Variants in MAPK10 observed in about 807,000 individuals in gnomAD.
MAPK10 encodes the protein mitogen-activated protein kinase 10.
Under a neutral mutation model 59.3 loss-of-function variants are expected in MAPK10, and 25 were observed. The ratio of observed to expected loss-of-function variants is 0.42; its 90% CI spans 0.31 to 0.59. The LOEUF (loss-of-function observed/expected upper bound fraction) is 0.59, where lower values mean the gene tolerates loss of function less well. Among genes scored for constraint, MAPK10 ranks in the 20% least tolerant of loss-of-function variants. The pLI is 0.15. For synonymous variants in MAPK10, 190 were observed against 200.5 expected, an observed-to-expected ratio of 0.95 and a Z score of 0.44; for missense variants, 351 against 568.9, an observed-to-expected ratio of 0.62 and a Z score of 3.90.
At chr4:86,462,561 A>G (rs1751841360) in intron 1 of MAPK10, among the ~76,000 whole-genome samples, 1 of 152,228 alleles carries the variant, frequency 6.6e-6, no homozygotes, top group South Asian at 2.1e-4. Context: ...ACTTCTCTAC[A>G]GCACCAGCCG....
intron 9 of MAPK10, among the ~76,000 whole-genome samples, chr4:86,079,151 G>A (rs2050127220): frequency 6.6e-6 from 1 of 152,126 alleles, no homozygotes. Flanking sequence ...TTATAAATGA[G>A]CATAGGAAGA....
intron 2 of MAPK10, among the ~76,000 whole-genome samples, chr4:86,311,682 T>G (rs1307519135): frequency 6.6e-6 from 1 of 152,104 alleles, no homozygotes; most frequent in Non-Finnish European, 1.5e-5. Context: ...CATTTGGTTA[T>G]GTCAAAGGCA....
intron 2 of MAPK10, among the ~76,000 whole-genome samples, chr4:86,256,247 A>G (rs1370620228): frequency 6.6e-6 from 1 of 152,226 alleles, no homozygotes; most frequent in Non-Finnish European, 1.5e-5. Flanking sequence ...ATCCCAGTGC[A>G]TGATGAATGT....
At chr4:86,368,271 T>C (rs1027285877) in intron 1 of MAPK10, among the ~76,000 whole-genome samples, 16 of 152,190 alleles carry the variant, frequency 1.1e-4, no homozygotes, top group Non-Finnish European at 1.9e-4. Context: ...AGAATTCCCA[T>C]ATACCCTACT....
chr4:86,302,488 C>T (rs1235617158), intron 2 of MAPK10, among the ~76,000 whole-genome samples: 1 of 152,202 alleles, frequency 6.6e-6, no homozygotes, highest in East Asian at 1.9e-4. Flanking sequence ...TCTGGACTGA[C>T]AGAAACTGGC....
chr4:86,066,403 A>C (rs1368144214), intron 10 of MAPK10, among the ~76,000 whole-genome samples: 1 of 152,134 alleles, frequency 6.6e-6, no homozygotes, highest in African/African-American at 2.4e-5. Flanking sequence ...CTGATTTTAC[A>C]TCCAAATTCA....
intron 2 of MAPK10, among the ~76,000 whole-genome samples, chr4:86,282,847 G>T (rs1464536914): frequency 2.0e-5 from 3 of 152,142 alleles, no homozygotes; most frequent in East Asian, 3.9e-4. Flanking sequence ...TGGAATCAAA[G>T]TCTAGGCACA....
intron 2 of MAPK10, among the ~76,000 whole-genome samples, chr4:86,247,468 G>A (rs1391373840): frequency 6.6e-6 from 1 of 152,042 alleles, no homozygotes; most frequent in Non-Finnish European, 1.5e-5. Flanking sequence ...TTCATTAATT[G>A]GACAAAGATT....
intron 1 of MAPK10, among the ~76,000 whole-genome samples, chr4:86,396,137 G>A (rs1422303836): frequency 1.3e-5 from 2 of 152,322 alleles, no homozygotes; most frequent in African/African-American, 4.8e-5. Flanking sequence ...CCTGAGGCCA[G>A]GAGATCGAGA....
chr4:86,234,369 T>G (rs943753296), intron 2 of MAPK10, among the ~76,000 whole-genome samples: 2 of 152,150 alleles, frequency 1.3e-5, no homozygotes, highest in African/African-American at 4.8e-5. Flanking sequence ...TAGATTATTT[T>G]CAAAATTCTG....
At chr4:86,455,177 C>T (rs944286000), upstream of MAPK10, among the ~76,000 whole-genome samples, 3 of 152,020 alleles carry the variant, frequency 2.0e-5, no homozygotes, top group Non-Finnish European at 2.9e-5. Context: ...AAAATAGAAC[C>T]TCTTTAATGC....
At chr4:86,144,856 G>T (rs898260760) in intron 4 of MAPK10, among the ~76,000 whole-genome samples, 1 of 152,010 alleles carries the variant, frequency 6.6e-6, no homozygotes, top group African/African-American at 2.4e-5. Flanking sequence ...AAAAATAAAG[G>T]AATACAAATG....
chr4:86,367,546 A>G (rs1220654110), intron 1 of MAPK10, among the ~76,000 whole-genome samples: 1 of 152,200 alleles, frequency 6.6e-6, no homozygotes, highest in Non-Finnish European at 1.5e-5. Flanking sequence ...AAGGCCAAGG[A>G]AGCTGAGAGG....
intron 11 of MAPK10, among the ~76,000 whole-genome samples, chr4:86,035,896 A>G (rs1005021262): frequency 2.0e-5 from 3 of 152,194 alleles, no homozygotes; most frequent in Non-Finnish European, 2.9e-5. Context: ...TATAGATTTG[A>G]GACTAACAGC....
chr4:86,473,302 G>C (rs766579774), intron 1 of MAPK10, among the ~76,000 whole-genome samples: 1 of 152,086 alleles, frequency 6.6e-6, no homozygotes, highest in African/African-American at 2.4e-5. Flanking sequence ...ATCACATATC[G>C]ACCTTAGGGA....
At position 86,354,623 on chromosome 4, in the gene MAPK10, T is replaced by A; in HGVS notation, c.-100A>T. 1.6e-6 allele frequency: 2 copies of A among 1,229,350 alleles called. No individual in the cohort carries two copies. Among genetic ancestry groups the A allele is most frequent in the Non-Finnish European group, 2.0e-6 (2 of 985,564 alleles). The allele number at this position is 1,229,350 out of a possible 1,614,324, so 76.2% of individuals were successfully genotyped here. ...TAGTGAAGATCTGAGATGGGCCTGCTGTTGGTGTTTCTCACACTAGCCTGA... is the reference window on the plus strand; with the variant it reads ...TAGTGAAGATCTGAGATGGGCCTGCAGTTGGTGTTTCTCACACTAGCCTGA... On this transcript the variant is annotated 5_prime_UTR_variant, in exon 2 of 14. Coordinates refer to ENST00000641462, the MANE Select transcript of MAPK10 (RefSeq NM_138982.4).
At chr4:86,055,781 T>C (rs1036146163) in intron 11 of MAPK10, among the ~76,000 whole-genome samples, 11 of 149,912 alleles carry the variant, frequency 7.3e-5, no homozygotes, top group African/African-American at 2.7e-4. Flanking sequence ...CCAAAAAAAA[T>C]CCTTAAGTAA....
At position 86,371,725 on chromosome 4, in the gene MAPK10, C is replaced by T. The variant is rs542851187; in HGVS notation, c.-121-17081G>A. ...TTGGTTACACAGTGGGTGCAGCCCA[C>T]GGAGGGCAGACCAAAGCAGGGTGGG... On this transcript the variant is annotated intron_variant, in intron 1 of 13. Coordinates refer to the MAPK10 transcript ENST00000361569. 9.9e-5 allele frequency among the ~76,000 whole-genome samples: 15 copies of T among 152,182 alleles called. No homozygotes were observed. In the East Asian group the frequency reaches 2.1e-3, roughly 22 times the overall value.
intron 1 of MAPK10, among the ~76,000 whole-genome samples, chr4:86,448,738 T>C (rs1013462451): frequency 2.6e-5 from 4 of 152,176 alleles, no homozygotes; most frequent in African/African-American, 9.7e-5. Flanking sequence ...TTCAGGATGA[T>C]TCAAGTGCAT....
Sources: allele counts gnomAD v4.1 joint callset (sites outside exome capture counted in the v4.1 genomes callset), GRCh38; gene constraint gnomAD v4.1.1; transcripts MANE v1.5; gene names NCBI Gene and HGNC (gene_info 2026-07-23, HGNC 2026-07-21).